Variants in RIMS1 observed in about 807,000 individuals in gnomAD.
RIMS1 encodes the protein regulating synaptic membrane exocytosis protein 1.
In RIMS1, 83 loss-of-function variants were observed where a neutral mutation model predicts 214.1. The observed-to-expected ratio is 0.39, with a 90% CI of 0.32 to 0.47. RIMS1 has a LOEUF of 0.47. RIMS1 is among the 20% of genes least tolerant of loss of function. The pLI, the probability that RIMS1 is intolerant of heterozygous loss-of-function variation, is 0.99. For missense variants in RIMS1, 2,050 were observed against 2,161.8 expected (o/e 0.95, Z 1.03); for synonymous variants, 793 against 786.8 (o/e 1.01, Z -0.13).
At chr6:72,292,406 T>TA (rs1419835405) in intron 26 of RIMS1, among the ~76,000 whole-genome samples, 4 of 152,228 alleles carry the variant, frequency 2.6e-5, no homozygotes, top group African/African-American at 9.6e-5. Context: ...AAAGATTTTT[T>TA]AAAAATTAAA....
intron 1 of RIMS1, 138 bp from the exon 2 acceptor site, chr6:71,968,845 T>TG (rs1320381069): frequency 1.3e-6 from 1 of 757,192 alleles, no homozygotes; most frequent in African/African-American, 1.8e-5. Flanking sequence ...AGGGCTTTGC[T>TG]GGGGCCCCAA....
At chr6:72,321,364 T>A (rs1016203593) in intron 28 of RIMS1, among the ~76,000 whole-genome samples, 2 of 152,124 alleles carry the variant, frequency 1.3e-5, no homozygotes, top group African/African-American at 4.8e-5. Flanking sequence ...ACTGAGTATG[T>A]ATATCAGCTT....
intron 29 of RIMS1, among the ~76,000 whole-genome samples, chr6:72,338,706 C>T (rs1175563246): frequency 6.6e-6 from 1 of 151,892 alleles, no homozygotes; most frequent in Non-Finnish European, 1.5e-5. Context: ...CCAAAACACA[C>T]AAGACATACT....
At chr6:71,944,887 A>C (rs775331567) in intron 1 of RIMS1, among the ~76,000 whole-genome samples, 4 of 152,338 alleles carry the variant, frequency 2.6e-5, no homozygotes, top group South Asian at 2.1e-4. Context: ...TGAATTATTT[A>C]GACATTGCGT....
chr6:72,140,275 C>CTA (rs2041924727), intron 4 of RIMS1, among the ~76,000 whole-genome samples: 1 of 152,012 alleles, frequency 6.6e-6, no homozygotes, highest in Non-Finnish European at 1.5e-5. Flanking sequence ...GCAAGGAACA[C>CTA]TATTATTTTA....
intron 17 of RIMS1, 51 bp from the exon 18 acceptor site, chr6:72,258,935 T>G: frequency 8.9e-6 from 14 of 1,579,788 alleles, no homozygotes; most frequent in Non-Finnish European, 1.2e-5. Context: ...TGTCTGCCTG[T>G]TTTGGGAAGA....
At chr6:72,037,446 A>C (rs906944323) in intron 2 of RIMS1, among the ~76,000 whole-genome samples, 7 of 152,154 alleles carry the variant, frequency 4.6e-5, no homozygotes, top group Non-Finnish European at 8.8e-5. Context: ...GGTTAAAGTT[A>C]AATAAGAGCA....
chr6:71,986,175 A>G (rs765464643), intron 2 of RIMS1, among the ~76,000 whole-genome samples: 26 of 143,510 alleles, frequency 1.8e-4, no homozygotes, highest in Non-Finnish European at 3.4e-4. Flanking sequence ...AGAAACCATC[A>G]CAACTTTGGG....
chr6:72,180,761 T>C (rs1380137738), intron 5 of RIMS1, among the ~76,000 whole-genome samples: 3 of 152,240 alleles, frequency 2.0e-5, no homozygotes, highest in African/African-American at 4.8e-5. Flanking sequence ...TGTTTTTGTA[T>C]GTGTAACCAT....
chr6:71,886,872 T>G lies in RIMS1; in HGVS notation c.-152T>G. The stretch of plus-strand genomic sequence containing the variant: ...GGGTTCTCGCTCTCCCCGGCTCTGC[T>G]GCTGCTGCTGCTGCCGCCGCCGCCG... On this transcript the variant is annotated 5_prime_UTR_variant, in exon 1 of 34. Transcript: ENST00000521978. 6.5e-6 allele frequency: 5 copies of G among 763,508 alleles called. No individual in the cohort carries two copies. Among genetic ancestry groups the G allele is most frequent in the Non-Finnish European group, 8.6e-6 (4 of 465,026 alleles). 47.3% of individuals were successfully genotyped at this position (763,508 alleles called of 1,614,324 possible).
intron 29 of RIMS1, among the ~76,000 whole-genome samples, chr6:72,346,288 T>C (rs1043639039): frequency 3.3e-5 from 5 of 151,734 alleles, no homozygotes; most frequent in African/African-American, 1.2e-4. Flanking sequence ...GCAGTCAGAG[T>C]TAGATTAATC....
chr6:72,089,994 A>G (rs1240865875), intron 2 of RIMS1, among the ~76,000 whole-genome samples: 38 of 122,658 alleles, frequency 3.1e-4, no homozygotes, highest in African/African-American at 8.7e-4. Flanking sequence ...CACAGGAAGG[A>G]GAATATCACA....
chr6:72,257,469 T>G (rs994688768), intron 16 of RIMS1, among the ~76,000 whole-genome samples: 1 of 152,106 alleles, frequency 6.6e-6, no homozygotes, highest in African/African-American at 2.4e-5. Flanking sequence ...TAAGGCAGAT[T>G]TGGCGATTGG....
intron 1 of RIMS1, among the ~76,000 whole-genome samples, chr6:71,963,343 GTAGGAGAATCA>G (rs1459540434): frequency 6.6e-6 from 1 of 152,156 alleles, no homozygotes; most frequent in African/African-American, 2.4e-5. Flanking sequence ...CATCGGCCAA[GTAGGAGAATCA>G]TATGCCCCGG....
chr6:72,075,006 C>T (rs972979061), intron 2 of RIMS1, among the ~76,000 whole-genome samples: 3 of 152,090 alleles, frequency 2.0e-5, no homozygotes, highest in African/African-American at 4.8e-5. Context: ...AGGCTGATCT[C>T]AAATTCTTGA....
intron 2 of RIMS1, among the ~76,000 whole-genome samples, chr6:72,046,466 TA>T (rs1210530831): frequency 2.0e-5 from 3 of 152,094 alleles, no homozygotes; most frequent in Admixed American, 6.6e-5. Context: ...TAAGAGGGAT[TA>T]GCCTTGATTA....
At chr6:72,102,461 A>T (rs1022668453) in intron 4 of RIMS1, among the ~76,000 whole-genome samples, 1 of 152,058 alleles carries the variant, frequency 6.6e-6, no homozygotes, top group East Asian at 1.9e-4. Flanking sequence ...AATAATTTTT[A>T]TATCAAAGTA....
At chr6:72,301,094 G>C (rs1426375139) in intron 26 of RIMS1, among the ~76,000 whole-genome samples, 1 of 151,508 alleles carries the variant, frequency 6.6e-6, no homozygotes, top group Non-Finnish European at 1.5e-5. Context: ...GTAGATGATG[G>C]GTAAATGTTT....
chr6:72,254,066 G>T (rs1017200016), intron 16 of RIMS1, among the ~76,000 whole-genome samples: 1 of 151,996 alleles, frequency 6.6e-6, no homozygotes, highest in Non-Finnish European at 1.5e-5. Flanking sequence ...GGATTTCACC[G>T]TGTTGGCCAG....
Sources: allele counts gnomAD v4.1 joint callset (sites outside exome capture counted in the v4.1 genomes callset), GRCh38; gene constraint gnomAD v4.1.1; transcripts MANE v1.5; gene names NCBI Gene and HGNC (gene_info 2026-07-23, HGNC 2026-07-21).